The following EIF5A2 variants were observed in gnomAD, a reference collection of about 807,000 sequenced individuals.
The protein encoded by EIF5A2 is eukaryotic translation initiation factor 5A2.
In EIF5A2, 15 loss-of-function variants were observed where a neutral mutation model predicts 16.4. The ratio of observed to expected loss-of-function variants is 0.92; its 90% CI spans 0.61 to 1.41. The LOEUF is 1.41. EIF5A2 is among the 40% of genes most tolerant of loss of function. The pLI, the probability that EIF5A2 is intolerant of heterozygous loss-of-function variation, is 0.00. For synonymous variants in EIF5A2, 48 were observed against 61.1 expected (o/e 0.79, Z 1.00); for missense variants, 144 against 189.5 (o/e 0.76, Z 1.41).
intron 3 of EIF5A2, among the ~76,000 whole-genome samples, 181 bp from the exon 4 acceptor site, chr3:170,894,604 A>C (rs1712621728): frequency 6.6e-6 from 1 of 152,186 alleles, no homozygotes; most frequent in South Asian, 2.1e-4. Flanking sequence ...TGGAAATATA[A>C]GTTTACTCCT....
intron 3 of EIF5A2, 59 bp from the exon 4 acceptor site, chr3:170,894,482 C>CA: frequency 2.0e-6 from 3 of 1,486,600 alleles, no homozygotes; most frequent in Non-Finnish European, 2.8e-6. Flanking sequence ...CTGTGTAATG[C>CA]TTACATAGTT....
intron 3 of EIF5A2, among the ~76,000 whole-genome samples, chr3:170,903,188 C>T (rs1349865762): frequency 6.6e-6 from 1 of 152,198 alleles, no homozygotes; most frequent in African/African-American, 2.4e-5. Flanking sequence ...TTCTTGCCTG[C>T]AGTGCTTCTG....
At chr3:170,906,057 G>A (rs184735170) in intron 3 of EIF5A2, among the ~76,000 whole-genome samples, 63 of 152,250 alleles carry the variant, frequency 4.1e-4, no homozygotes, top group African/African-American at 1.4e-3. Flanking sequence ...AAATCATTGC[G>A]TAAGTGCAGT....
At chr3:170,898,334 G>A (rs1443331433) in intron 3 of EIF5A2, among the ~76,000 whole-genome samples, 1 of 152,150 alleles carries the variant, frequency 6.6e-6, no homozygotes, top group African/African-American at 2.4e-5. Context: ...AATATGATTT[G>A]GCTCTGTGTC....
Position 170,891,398 on chromosome 3 carries a change from A to G in EIF5A2, c.*1962T>C, listed in dbSNP as rs1031872105. On this transcript the variant is annotated 3_prime_UTR_variant, in exon 5 of 5. Coordinates refer to ENST00000295822, the MANE Select transcript of EIF5A2 (RefSeq NM_020390.6). ...GGGCAAAAGCTAAAATGTTGTAGGA[A>G]AGACGACTAACTACTACCTCACTAT... The G allele has an allele frequency of 3.3e-5, 5 of 152,630 alleles. No individual in the cohort carries two copies. The highest frequency in any genetic ancestry group is 3.3e-4 in the Admixed American group (5 of 15,284). 9.5% of individuals were successfully genotyped at this position (152,630 alleles called of 1,614,324 possible).
Position 170,893,003 on chromosome 3 carries a change from C to T in EIF5A2, c.*357G>A. On this transcript the variant is annotated 3_prime_UTR_variant, in exon 5 of 5. Coordinates refer to ENST00000295822, the MANE Select transcript of EIF5A2 (RefSeq NM_020390.6). Reference sequence around the variant, plus strand: ...ACTTAAATATGGTACTTCAATACCACTTTATGCTACATTGTTTGATTTAAA... The same window carrying T: ...ACTTAAATATGGTACTTCAATACCATTTTATGCTACATTGTTTGATTTAAA... 1 of 411,404 alleles carries T rather than the reference C, an allele frequency of 2.4e-6. No homozygotes were observed. The highest frequency in any genetic ancestry group is 4.3e-6 in the Non-Finnish European group (1 of 234,644). 25.5% of individuals were successfully genotyped at this position (411,404 alleles called of 1,614,324 possible).
At chr3:170,897,615 G>A (rs1712705322) in intron 3 of EIF5A2, among the ~76,000 whole-genome samples, 1 of 152,228 alleles carries the variant, frequency 6.6e-6, no homozygotes, top group South Asian at 2.1e-4. Flanking sequence ...CAAGAGTTGA[G>A]GTTTGGGAGC....
chr3:170,902,575 T>C (rs938897374), intron 3 of EIF5A2, among the ~76,000 whole-genome samples: 3 of 151,188 alleles, frequency 2.0e-5, no homozygotes, highest in African/African-American at 7.3e-5. Context: ...GGCTAATTTT[T>C]GTATTTTTTG....
intron 3 of EIF5A2, among the ~76,000 whole-genome samples, chr3:170,903,672 TAAA>T (rs1712864846): frequency 6.6e-6 from 1 of 152,178 alleles, no homozygotes; most frequent in Admixed American, 6.5e-5. Context: ...GTAAAAATTA[TAAA>T]AAGACTTTAA....
At chr3:170,905,176 A>C (rs1189926475) in intron 3 of EIF5A2, among the ~76,000 whole-genome samples, 1 of 152,250 alleles carries the variant, frequency 6.6e-6, no homozygotes, top group Non-Finnish European at 1.5e-5. Context: ...AAATACCAAA[A>C]TTCTAAATAA....
chr3:170,907,965 C>T, intron 1 of EIF5A2, 124 bp from the exon 2 acceptor site: 1 of 669,276 alleles, frequency 1.5e-6, no homozygotes, highest in Non-Finnish European at 2.3e-6. Context: ...GAACACCCAC[C>T]CTAGACTAGT....
At chr3:170,899,909 G>A (rs1419979672) in intron 3 of EIF5A2, among the ~76,000 whole-genome samples, 3 of 151,560 alleles carry the variant, frequency 2.0e-5, no homozygotes, top group African/African-American at 7.3e-5. Context: ...CTACTGATTT[G>A]ATCACTTTTA....
At chr3:170,908,119 C>G (rs1444062779) in intron 1 of EIF5A2, among the ~76,000 whole-genome samples, 1 of 152,214 alleles carries the variant, frequency 6.6e-6, no homozygotes, top group Non-Finnish European at 1.5e-5. Flanking sequence ...TTGCGGCCCC[C>G]ATCGCCCCAC....
chr3:170,896,009 A>G (rs1217842171), intron 3 of EIF5A2, among the ~76,000 whole-genome samples: 2 of 152,220 alleles, frequency 1.3e-5, no homozygotes, highest in African/African-American at 2.4e-5. Context: ...CAACATTCCA[A>G]GACAAATCTT....
chr3:170,893,493 A>G, intron 4 of EIF5A2, 74 bp from the exon 5 acceptor site: 2 of 1,493,564 alleles, frequency 1.3e-6, no homozygotes, highest in South Asian at 1.2e-5. Context: ...TTCCTCATAT[A>G]TTGTATATTT....
chr3:170,905,689 T>C (rs1394835908), intron 3 of EIF5A2, among the ~76,000 whole-genome samples: 1 of 152,214 alleles, frequency 6.6e-6, no homozygotes, highest in East Asian at 1.9e-4. Context: ...GTAGAATTTT[T>C]ACATAGGAAA....
At chr3:170,906,484 T>C (rs1712939413) in intron 3 of EIF5A2, among the ~76,000 whole-genome samples, 1 of 152,190 alleles carries the variant, frequency 6.6e-6, no homozygotes, top group Non-Finnish European at 1.5e-5. Flanking sequence ...CCAGGTACTT[T>C]ATCCTTTATA....
chr3:170,891,682 G>A lies in EIF5A2; in HGVS notation c.*1678C>T, dbSNP rs1712540112. ...CATGATGGGAGAGGTCTAAGAGCCA[G>A]TCTTAGAGAATTAAGGTATTTCTGA... On this transcript the variant is annotated 3_prime_UTR_variant, in exon 5 of 5. Transcript: ENST00000295822. The A allele has an allele frequency of 6.6e-6, 1 of 152,568 alleles. No homozygotes were observed. The highest frequency in any genetic ancestry group is 2.4e-5 in the African/African-American group (1 of 41,434). 9.5% of individuals were successfully genotyped at this position (152,568 alleles called of 1,614,324 possible).
rs1334966943 is a variant in EIF5A2 at position 170,891,310 on chromosome 3, T to C, written c.*2050A>G. 6.6e-6 allele frequency: 1 copy of C among 152,624 alleles called. No individual in the cohort carries two copies. The highest frequency in any genetic ancestry group is 2.4e-5 in the African/African-American group (1 of 41,460). The allele number at this position is 152,624 out of a possible 1,614,324, so 9.5% of individuals were successfully genotyped here. A position where few individuals can be genotyped will look rare whatever the true frequency, so the allele number is the denominator to read the frequency against. On this transcript the variant is annotated 3_prime_UTR_variant, in exon 5 of 5. Transcript: ENST00000295822. ...AGAGTACTAAGAAACTAGAGCAGTA[T>C]GTAGTAGGTACTTAAATAGAATACT... is the stretch of plus-strand genomic sequence containing the variant.
Sources: allele counts gnomAD v4.1 joint callset (sites outside exome capture counted in the v4.1 genomes callset), GRCh38; gene constraint gnomAD v4.1.1; transcripts MANE v1.5; gene names NCBI Gene and HGNC (gene_info 2026-07-23, HGNC 2026-07-21).